LRP1B: variants seen among roughly 807,000 people sequenced by gnomAD.
LRP1B encodes the protein LDL receptor related protein 1B.
Under a neutral mutation model 556.6 loss-of-function variants are expected in LRP1B, and 217 were observed. That is an observed-to-expected ratio of 0.39 (90% CI 0.35 to 0.44). The LOEUF (loss-of-function observed/expected upper bound fraction) is 0.44, where lower values mean the gene tolerates loss of function less well. Among genes scored for constraint, LRP1B ranks in the 20% least tolerant of loss-of-function variants. The probability of loss-of-function intolerance (pLI) is 1.00; values close to 1 mark genes in which losing one functional copy is unlikely to be tolerated. For missense variants in LRP1B, 5,053 were observed against 5,620.8 expected, an observed-to-expected ratio of 0.90 and a Z score of 3.23; for synonymous variants, 2,047 against 1,865.8, an observed-to-expected ratio of 1.10 and a Z score of -2.50.
intron 83 of LRP1B, among the ~76,000 whole-genome samples, chr2:140,311,322 C>T (rs1684291701): frequency 6.6e-6 from 1 of 151,772 alleles, no homozygotes; most frequent in Non-Finnish European, 1.5e-5. Flanking sequence ...ACGTGGCATA[C>T]ACACACACTA....
At chr2:140,324,153 C>T in intron 80 of LRP1B, 87 bp from the exon 81 acceptor site, 1 of 724,488 alleles carries the variant, frequency 1.4e-6, no homozygotes, top group Non-Finnish European at 2.3e-6. Flanking sequence ...ATATTGAAAA[C>T]CTTATTACTG....
chr2:141,419,577 G>T (rs1433013525), intron 3 of LRP1B, among the ~76,000 whole-genome samples: 1 of 152,016 alleles, frequency 6.6e-6, no homozygotes, highest in Non-Finnish European at 1.5e-5. Flanking sequence ...ATTGCTCATA[G>T]TCTCTTATAA....
In LRP1B at chr2:141,247,257, C is replaced by A. The variant is rs2105327184; in HGVS notation, c.561G>T (p.Gln187His). The A allele has an allele frequency of 6.2e-7, 1 of 1,613,782 alleles. No homozygotes were observed. The highest frequency in any genetic ancestry group is 8.5e-7 in the Non-Finnish European group (1 of 1,179,794). ...TAGCCTTGCAAGATCTGTTGTCTGG[C>A]TGCATTAGGTAGCCTTCCACACAAC... ...TCSCVEGYLM[Q>H]PDNRSCKAKI... The change falls in exon 5 of 91, where the codon CAG becomes CAT. Residue 187 changes from glutamine (Q) to histidine (H), a missense_variant. Gln to His is a conservative substitution (Grantham distance 24). Transcript: ENST00000389484.
At chr2:142,028,924 T>A (rs922335496) in intron 1 of LRP1B, among the ~76,000 whole-genome samples, 1 of 151,956 alleles carries the variant, frequency 6.6e-6, no homozygotes, top group African/African-American at 2.4e-5. Flanking sequence ...ATGTTGGAGC[T>A]TTTCATTCAT....
At chr2:140,437,253 C>A (rs987886528) in intron 66 of LRP1B, among the ~76,000 whole-genome samples, 2 of 152,094 alleles carry the variant, frequency 1.3e-5, no homozygotes, top group African/African-American at 4.8e-5. Context: ...GGTCCTTTCT[C>A]CTTTCCAGCT....
chr2:141,031,251 T>TCACA (rs72098612), intron 11 of LRP1B, among the ~76,000 whole-genome samples: 4,167 of 121,458 alleles, frequency 0.034, 137 homozygotes, highest in African/African-American at 0.088. Context: ...TATATACATA[T>TCACA]CACACACACA....
intron 1 of LRP1B, among the ~76,000 whole-genome samples, chr2:142,108,947 C>T (rs1706861314): frequency 6.6e-6 from 1 of 152,138 alleles, no homozygotes; most frequent in African/African-American, 2.4e-5. Flanking sequence ...ACCAAGGTCA[C>T]TAAAGTCAGA....
chr2:141,013,917 T>C (rs1004707283), intron 13 of LRP1B, among the ~76,000 whole-genome samples, 172 bp from the exon 14 acceptor site: 1 of 152,058 alleles, frequency 6.6e-6, no homozygotes, highest in African/African-American at 2.4e-5. Context: ...ATTTTTTGTT[T>C]TAGGGCATGC....
chr2:140,751,182 G>A (rs932274674), intron 35 of LRP1B, among the ~76,000 whole-genome samples: 10 of 147,568 alleles, frequency 6.8e-5, no homozygotes, highest in Admixed American at 4.1e-4. Flanking sequence ...TAGTAGAGAC[G>A]GGGTTTCACC....
At chr2:140,749,766 T>C (rs1370195262) in intron 35 of LRP1B, among the ~76,000 whole-genome samples, 1 of 152,150 alleles carries the variant, frequency 6.6e-6, no homozygotes, top group Admixed American at 6.6e-5. Flanking sequence ...TCCAAAATAA[T>C]GATAACAAGT....
chr2:141,573,259 G>T (rs1686601082), intron 2 of LRP1B, among the ~76,000 whole-genome samples: 1 of 152,130 alleles, frequency 6.6e-6, no homozygotes, highest in African/African-American at 2.4e-5. Context: ...AGACCACAGT[G>T]CAATCTAATT....
chr2:141,055,274 A>T lies in LRP1B; in HGVS notation c.1409-15T>A. 3 of 1,599,344 alleles carry T rather than the reference A, an allele frequency of 1.9e-6. No individual in the cohort carries two copies. The Admixed American group carries it at 5.2e-5, about 28-fold the overall frequency. ...ATGGCTTCTGACTACAACAAATAAA[A>T]AACAGCATGCGTGAAATTCAAGTTC... is the stretch of plus-strand genomic sequence containing the variant. On this transcript the variant is annotated splice_polypyrimidine_tract_variant and intron_variant, in intron 9 of 90. Transcript: ENST00000389484.
chr2:141,910,460 G>A (rs1037204762), intron 1 of LRP1B, among the ~76,000 whole-genome samples: 29 of 151,346 alleles, frequency 1.9e-4, no homozygotes, highest in African/African-American at 6.8e-4. Flanking sequence ...AAAATATTAG[G>A]TATATTTTGT....
chr2:141,846,252 C>G (rs1323711734), intron 1 of LRP1B, among the ~76,000 whole-genome samples: 2 of 151,226 alleles, frequency 1.3e-5, no homozygotes, highest in Non-Finnish European at 3.0e-5. Context: ...AAAGAATAAC[C>G]AAGTAGGCAT....
chr2:140,716,545 A>C, intron 36 of LRP1B, 137 bp downstream of exon 36: 1 of 826,844 alleles, frequency 1.2e-6, no homozygotes, highest in Non-Finnish European at 1.8e-6. Context: ...AGCCAAAAGC[A>C]AAAGAGACTA....
At chr2:141,040,503 A>G (rs1194531277) in intron 11 of LRP1B, among the ~76,000 whole-genome samples, 1 of 152,038 alleles carries the variant, frequency 6.6e-6, no homozygotes, top group Non-Finnish European at 1.5e-5. Flanking sequence ...GGTCAGTGTC[A>G]TTCAGGTACA....
chr2:142,035,292 A>C (rs978446089), intron 1 of LRP1B, among the ~76,000 whole-genome samples: 1 of 151,648 alleles, frequency 6.6e-6, no homozygotes, highest in Non-Finnish European at 1.5e-5. Flanking sequence ...ATTAAGAAAC[A>C]CTATGGCGAT....
rs1358750047 is a variant in LRP1B at position 140,541,938 on chromosome 2, T to A, written c.7228A>T (p.Ser2410Cys). The change falls in exon 44 of 91, where the codon AGT (serine) becomes TGT (cysteine). Residue 2410 changes from serine (S) to cysteine (C), a missense_variant. Transcript: ENST00000389484. ...IVKSGPGTFL[S>C]LAVYDNYIFW... is the part of the protein sequence containing the mutation. ...ATATAATTGTCATAAACAGCCAAAC[T>A]GAGGAAAGTCCCTGGCCCAGATTTA... 2 of 1,609,004 alleles carry A rather than the reference T, an allele frequency of 1.2e-6. No individual in the cohort carries two copies. The highest frequency in any genetic ancestry group is 4.5e-5 in the East Asian group (2 of 44,750).
intron 27 of LRP1B, among the ~76,000 whole-genome samples, chr2:140,862,020 T>C (rs1156604577): frequency 1.3e-5 from 2 of 152,242 alleles, no homozygotes; most frequent in Non-Finnish European, 2.9e-5. Flanking sequence ...TTTCATTTTC[T>C]GTAATACTCT....
Sources: allele counts gnomAD v4.1 joint callset (sites outside exome capture counted in the v4.1 genomes callset), GRCh38; gene constraint gnomAD v4.1.1; transcripts MANE v1.5; gene names NCBI Gene and HGNC (gene_info 2026-07-23, HGNC 2026-07-21).